JPH3: variants seen among roughly 807,000 people sequenced by gnomAD.
JPH3 encodes the protein junctophilin 3.
JPH3 carries 11 observed loss-of-function variants against 59.6 expected under a neutral mutation model. The observed-to-expected ratio is 0.18, with a 90% CI of 0.12 to 0.31. The LOEUF is 0.31. Among genes scored for constraint, JPH3 ranks in the 10% least tolerant of loss-of-function variants. The pLI, the probability that JPH3 is intolerant of heterozygous loss-of-function variation, is 1.00. For synonymous variants in JPH3, 673 were observed against 483.6 expected (o/e 1.39, Z -5.14); for missense variants, 1,202 against 1,105.7 (o/e 1.09, Z -1.24).
At chr16:87,640,850 A>C (rs1260357704) in intron 1 of JPH3, among the ~76,000 whole-genome samples, 3 of 152,218 alleles carry the variant, frequency 2.0e-5, no homozygotes, top group African/African-American at 7.2e-5. Context: ...CTGAGGGTGC[A>C]GTCTTGGGGT....
At chr16:87,661,542 C>T (rs2032703403) in intron 2 of JPH3, among the ~76,000 whole-genome samples, 1 of 152,350 alleles carries the variant, frequency 6.6e-6, no homozygotes, top group Non-Finnish European at 1.5e-5. Flanking sequence ...TTGTAGGTCA[C>T]CACCATGTGT....
At chr16:87,610,863 A>G (rs1435162519) in intron 1 of JPH3, among the ~76,000 whole-genome samples, 1 of 152,228 alleles carries the variant, frequency 6.6e-6, no homozygotes, top group Non-Finnish European at 1.5e-5. Context: ...ATTCATTGCA[A>G]AGTGCAAAGA....
intron 1 of JPH3, among the ~76,000 whole-genome samples, chr16:87,605,641 C>T (rs553987369): frequency 3.9e-5 from 6 of 152,212 alleles, no homozygotes; most frequent in African/African-American, 1.2e-4. Flanking sequence ...TCCAGCCAGA[C>T]AGCTCCCTCA....
intron 2 of JPH3, among the ~76,000 whole-genome samples, chr16:87,662,621 C>G (rs1240517168): frequency 6.6e-6 from 1 of 152,220 alleles, no homozygotes; most frequent in Non-Finnish European, 1.5e-5. Flanking sequence ...GTGGCCCCTC[C>G]AGAGTCTGTC....
chr16:87,637,455 G>T (rs1043171167), intron 1 of JPH3, among the ~76,000 whole-genome samples: 2 of 149,940 alleles, frequency 1.3e-5, no homozygotes, highest in African/African-American at 2.5e-5. Context: ...TTAAATGAAG[G>T]CTTGTGGTAC....
At chr16:87,648,571 G>A (rs1050037674) in intron 2 of JPH3, among the ~76,000 whole-genome samples, 2 of 152,186 alleles carry the variant, frequency 1.3e-5, no homozygotes, top group African/African-American at 4.8e-5. Context: ...TGCAGGGAAG[G>A]GAAGTGGGTT....
intron 2 of JPH3, among the ~76,000 whole-genome samples, chr16:87,649,814 G>A (rs2032273258): frequency 6.6e-6 from 1 of 151,898 alleles, no homozygotes; most frequent in Non-Finnish European, 1.5e-5. Context: ...CCCATTGGCT[G>A]CTTCTGCTGC....
At chr16:87,623,605 T>G (rs1272741566) in intron 1 of JPH3, among the ~76,000 whole-genome samples, 1 of 152,226 alleles carries the variant, frequency 6.6e-6, no homozygotes, top group Admixed American at 6.5e-5. Flanking sequence ...TTTCCTTCTG[T>G]GAACCCCTTG....
Position 87,677,227 on chromosome 16 carries a change from A to ACACACACAC in JPH3, c.1161-6915_1161-6914insCACACACAC, listed in dbSNP as rs1567610816. ...ACACACACACACACACACACACACA[A>ACACACACAC]AAAAAAAAATTAGCCGGGTGTGGTG... On this transcript the variant is annotated intron_variant, in intron 2 of 4. Coordinates refer to ENST00000284262, the MANE Select transcript of JPH3 (RefSeq NM_020655.4). 6.5e-3 allele frequency among the ~76,000 whole-genome samples: 649 copies of ACACACACAC among 99,130 alleles called. 14 individuals carry two copies. Among genetic ancestry groups the ACACACACAC allele is most frequent in the East Asian group, 0.01 (31 of 3,042 alleles). The allele number at this position is 99,130 out of a possible 152,430, so 65.0% of individuals were successfully genotyped here. A position where few individuals can be genotyped will look rare whatever the true frequency, so the allele number is the denominator to read the frequency against.
chr16:87,676,054 C>A (rs2033134716), intron 2 of JPH3, among the ~76,000 whole-genome samples: 1 of 152,250 alleles, frequency 6.6e-6, no homozygotes, highest in Admixed American at 6.5e-5. Flanking sequence ...GACGAAAGTG[C>A]TGTAAAGTTA....
In JPH3 at chr16:87,644,607, T is replaced by C. The variant is rs1308281370; in HGVS notation, c.732T>C (p.Phe244=). The C allele has an allele frequency of 1.2e-6, 2 of 1,612,646 alleles. No homozygotes were observed. The highest frequency in any genetic ancestry group is 2.7e-5 in the African/African-American group (2 of 74,860). The change falls in exon 2 of 5, where the codon TTT becomes TTC. Residue 244 remains phenylalanine (F), a synonymous_variant. Coordinates refer to ENST00000284262, the MANE Select transcript of JPH3 (RefSeq NM_020655.4). ...LASQRSKQSS[F]RSEAGMSTVS... is the part of the protein sequence containing the mutation. ...GCCAACGCAGCAAGCAGAGCTCCTT[T>C]CGCAGCGAGGCGGGCATGAGCACCG...
rs536167024 is a variant in JPH3, at chr16:87,613,262, A to G, written c.382+9734A>G. 3.3e-5 allele frequency among the ~76,000 whole-genome samples: 5 copies of G among 151,314 alleles called. No homozygotes were observed. In the South Asian group the frequency reaches 1.1e-3, roughly 32 times the overall value. On this transcript the variant is annotated intron_variant, in intron 1 of 4. Transcript: ENST00000284262. Reference sequence around the variant, plus strand: ...CAGGTACCCACCACCACGTCCGGCTAATTTTTTGTATTTTGTTTAGTAGAG... The same window carrying G: ...CAGGTACCCACCACCACGTCCGGCTGATTTTTTGTATTTTGTTTAGTAGAG...
chr16:87,683,617 T>A (rs927260667), intron 2 of JPH3, among the ~76,000 whole-genome samples: 10 of 147,066 alleles, frequency 6.8e-5, no homozygotes, highest in African/African-American at 2.5e-4. Context: ...CCCCTTTTTT[T>A]TTTCCTTGAG....
chr16:87,657,162 T>C (rs973605425), intron 2 of JPH3, among the ~76,000 whole-genome samples: 1 of 152,178 alleles, frequency 6.6e-6, no homozygotes, highest in Non-Finnish European at 1.5e-5. Flanking sequence ...ACCCTGCCTG[T>C]GGGTGAGCCC....
In JPH3 at chr16:87,647,553, T is replaced by C. The variant is rs560962213; in HGVS notation, c.1160+2518T>C. ...CCTTCTGCACTGGCGGAGTCCGAGCTGACTCCGTCCCTTCGCCCGAGCGGG... is the reference window on the plus strand; with the variant it reads ...CCTTCTGCACTGGCGGAGTCCGAGCCGACTCCGTCCCTTCGCCCGAGCGGG... On this transcript the variant is annotated intron_variant, in intron 2 of 4. Transcript: ENST00000284262. Among the ~76,000 whole-genome samples the C allele has an allele frequency of 1.6e-3, 238 of 152,278 alleles. 1 individual carries two copies. Among genetic ancestry groups the C allele is most frequent in the African/African-American group, 4.6e-3 (192 of 41,584 alleles).
intron 2 of JPH3, among the ~76,000 whole-genome samples, chr16:87,676,215 A>G (rs1365618090): frequency 1.3e-5 from 2 of 152,224 alleles, no homozygotes; most frequent in Admixed American, 6.5e-5. Context: ...CGTCTTCTCA[A>G]TGAGACCAGA....
intron 2 of JPH3, among the ~76,000 whole-genome samples, chr16:87,683,047 C>T (rs2033333052): frequency 6.6e-6 from 1 of 152,248 alleles, no homozygotes; most frequent in Admixed American, 6.5e-5. Context: ...GGTACAATGG[C>T]TCCTTCGTGT....
intron 2 of JPH3, chr16:87,654,675 A>G (rs1050253016): frequency 6.6e-6 from 1 of 152,274 alleles, no homozygotes; most frequent in Non-Finnish European, 1.5e-5. Flanking sequence ...AGTCATGACC[A>G]TCAGCACCTC....
chr16:87,619,011 C>A (rs767834134), intron 1 of JPH3, among the ~76,000 whole-genome samples: 3 of 151,768 alleles, frequency 2.0e-5, no homozygotes, highest in Non-Finnish European at 4.4e-5. Flanking sequence ...TCACTCGAAC[C>A]TGGGAGGCAG....
Sources: allele counts gnomAD v4.1 joint callset (sites outside exome capture counted in the v4.1 genomes callset), GRCh38; gene constraint gnomAD v4.1.1; transcripts MANE v1.5; gene names NCBI Gene and HGNC (gene_info 2026-07-23, HGNC 2026-07-21).